CSMD1: variants seen among roughly 807,000 people sequenced by gnomAD.
The protein encoded by CSMD1 is CUB and sushi domain-containing protein 1.
In CSMD1, 213 loss-of-function variants were observed where a neutral mutation model predicts 417.5. The observed-to-expected ratio is 0.51, with a 90% CI of 0.46 to 0.57. The LOEUF (loss-of-function observed/expected upper bound fraction) is 0.57, where lower values mean the gene tolerates loss of function less well. CSMD1 is among the 20% of genes least tolerant of loss of function. CSMD1 has a pLI of 0.00. For missense variants in CSMD1, 6,923 were observed against 4,529.7 expected, an observed-to-expected ratio of 1.53 and a Z score of -15.17; for synonymous variants, 2,862 against 1,736.8, an observed-to-expected ratio of 1.65 and a Z score of -16.11.
rs1801399219 is a variant in CSMD1, at chr8:2,935,598, A to G, written c.*2987T>C. ...GTATTGTAAAAACATTTATTTTTTA[A>G]CAATGTACCTACATTAATCAAAAAA... is the stretch of plus-strand genomic sequence containing the variant. On this transcript the variant is annotated 3_prime_UTR_variant, in exon 70 of 70. Transcript: ENST00000635120. The G allele has an allele frequency of 6.6e-6, 1 of 152,210 alleles. No individual in the cohort carries two copies. The highest frequency in any genetic ancestry group is 1.5e-5 in the Non-Finnish European group (1 of 68,032). 9.4% of individuals were successfully genotyped at this position (152,210 alleles called of 1,614,324 possible).
At chr8:4,756,186 AAC>A (rs1811657251) in intron 1 of CSMD1, among the ~76,000 whole-genome samples, 1 of 152,206 alleles carries the variant, frequency 6.6e-6, no homozygotes. Flanking sequence ...ATTTCTGGAA[AAC>A]TGTTGATCTA....
chr8:3,460,541 G>A (rs1465414100), intron 12 of CSMD1, among the ~76,000 whole-genome samples: 1 of 152,094 alleles, frequency 6.6e-6, no homozygotes, highest in African/African-American at 2.4e-5. Context: ...GGGGAGAAAT[G>A]AAGTTTCGAC....
At chr8:4,931,900 T>G (rs1461840385) in intron 1 of CSMD1, among the ~76,000 whole-genome samples, 1 of 152,206 alleles carries the variant, frequency 6.6e-6, no homozygotes, top group Admixed American at 6.5e-5. Context: ...GATATGTACT[T>G]TAGAAATGTC....
chr8:4,072,170 C>A (rs1303106343), intron 3 of CSMD1, among the ~76,000 whole-genome samples: 1 of 152,174 alleles, frequency 6.6e-6, no homozygotes, highest in African/African-American at 2.4e-5. Flanking sequence ...TCTAGTGCTA[C>A]TAGTTTCCAG....
intron 1 of CSMD1, among the ~76,000 whole-genome samples, chr8:4,762,211 C>A (rs1435236063): frequency 6.6e-6 from 1 of 152,018 alleles, no homozygotes; most frequent in Non-Finnish European, 1.5e-5. Context: ...GTGCTAAAAT[C>A]ATATCTGCAT....
At chr8:4,516,524 G>C (rs1273105995) in intron 2 of CSMD1, among the ~76,000 whole-genome samples, 1 of 152,078 alleles carries the variant, frequency 6.6e-6, no homozygotes, top group Non-Finnish European at 1.5e-5. Context: ...GGGAGTTGAT[G>C]TGCCATTCTC....
rs1443973717 is a variant in CSMD1 at position 3,029,479 on chromosome 8, T to C, written c.7695A>G (p.Ser2565=). The C allele has an allele frequency of 3.1e-6, 5 of 1,604,594 alleles. No individual in the cohort carries two copies. The highest frequency in any genetic ancestry group is 2.2e-5 in the South Asian group (2 of 89,236). ...VACPSIEAQL[S]EHVIWRLVSG... ...AAACCAGCCTCCAGATGACATGTTC[T>C]GAGAGCTGAGCTTCAATGCTGGGGC... Residue 2565 remains serine (S), a synonymous_variant, in exon 51 of 70, where the codon TCA becomes TCG. Coordinates refer to ENST00000635120, the MANE Select transcript of CSMD1 (RefSeq NM_033225.6).
intron 3 of CSMD1, among the ~76,000 whole-genome samples, chr8:4,323,274 G>A (rs964660532): frequency 6.6e-6 from 1 of 152,128 alleles, no homozygotes; most frequent in Non-Finnish European, 1.5e-5. Context: ...AAGTTCTGTA[G>A]CAGGTTCAAC....
At chr8:4,243,766 T>C (rs1281872917) in intron 3 of CSMD1, among the ~76,000 whole-genome samples, 2 of 152,176 alleles carry the variant, frequency 1.3e-5, no homozygotes, top group Non-Finnish European at 2.9e-5. Context: ...ATCATTCTAG[T>C]ATTCAACGAG....
At chr8:3,856,700 G>A (rs978113001) in intron 5 of CSMD1, among the ~76,000 whole-genome samples, 1 of 152,208 alleles carries the variant, frequency 6.6e-6, no homozygotes. Flanking sequence ...AAGCTGGGAA[G>A]ATAGGGTATG....
chr8:4,595,387 C>CTTTTTTTTTTTTTTTTCTTTTTTTT lies in CSMD1; in HGVS notation c.302+41954_302+41955insAAAAAAAAGAAAAAAAAAAAAAAAA. Among the ~76,000 whole-genome samples, 166 of 147,096 alleles carry CTTTTTTTTTTTTTTTTCTTTTTTTT rather than the reference C, an allele frequency of 1.1e-3. 1 individual carries two copies. The highest frequency in any genetic ancestry group is 1.8e-3 in the East Asian group (9 of 4,972). On this transcript the variant is annotated intron_variant, in intron 2 of 69. Transcript: ENST00000635120. ...ATTTGTCTATTGATGCATTCATTTT[C>CTTTTTTTTTTTTTTTTCTTTTTTTT]ATTCCATCCATCCAAATAATGCTAT...
chr8:4,078,669 A>G (rs926720999), intron 3 of CSMD1, among the ~76,000 whole-genome samples: 1 of 150,796 alleles, frequency 6.6e-6, no homozygotes, highest in Non-Finnish European at 1.5e-5. Context: ...TTTGAGAAAA[A>G]ACTTGCTGTA....
intron 1 of CSMD1, among the ~76,000 whole-genome samples, chr8:4,773,619 G>A (rs548934821): frequency 6.6e-6 from 1 of 152,244 alleles, no homozygotes; most frequent in East Asian, 1.9e-4. Context: ...AGGAGTGTTT[G>A]TCATCTCCTT....
intron 38 of CSMD1, among the ~76,000 whole-genome samples, chr8:3,158,215 G>A (rs1049732759): frequency 6.6e-6 from 1 of 152,106 alleles, no homozygotes; most frequent in East Asian, 1.9e-4. Context: ...CTTTTGACCA[G>A]ACCATAATTC....
intron 3 of CSMD1, among the ~76,000 whole-genome samples, chr8:4,097,169 A>C (rs555263141): frequency 4.6e-5 from 7 of 152,254 alleles, no homozygotes; most frequent in African/African-American, 1.7e-4. Context: ...GCTTACCATT[A>C]TATATGCTCA....
At chr8:3,955,204 T>G (rs577464702) in intron 5 of CSMD1, among the ~76,000 whole-genome samples, 1 of 152,178 alleles carries the variant, frequency 6.6e-6, no homozygotes, top group Non-Finnish European at 1.5e-5. Flanking sequence ...GCAGAGCACC[T>G]TGAATGCGCC....
chr8:4,489,547 C>G (rs985614325), intron 2 of CSMD1, among the ~76,000 whole-genome samples: 10 of 152,208 alleles, frequency 6.6e-5, no homozygotes, highest in African/African-American at 2.2e-4. Context: ...GTGTGGCAGA[C>G]AGGCTATGAA....
At chr8:4,319,513 G>A (rs1245773802) in intron 3 of CSMD1, among the ~76,000 whole-genome samples, 1 of 151,984 alleles carries the variant, frequency 6.6e-6, no homozygotes, top group South Asian at 2.1e-4. Context: ...TCTCAGAGCA[G>A]AAAATAAACA....
chr8:4,368,530 T>C (rs138742142), intron 3 of CSMD1, among the ~76,000 whole-genome samples: 2 of 152,308 alleles, frequency 1.3e-5, no homozygotes, highest in East Asian at 3.9e-4. Context: ...TTTTTGGGAA[T>C]CATTTTAGTA....
Sources: allele counts gnomAD v4.1 joint callset (sites outside exome capture counted in the v4.1 genomes callset), GRCh38; gene constraint gnomAD v4.1.1; transcripts MANE v1.5; gene names NCBI Gene and HGNC (gene_info 2026-07-23, HGNC 2026-07-21).